TMTC4: variants seen among roughly 807,000 people sequenced by gnomAD.
TMTC4 encodes the protein protein O-mannosyl-transferase TMTC4.
Under a neutral mutation model 86.0 loss-of-function variants are expected in TMTC4, and 65 were observed. The observed-to-expected ratio is 0.76, with a 90% confidence interval of 0.62 to 0.93. The LOEUF (loss-of-function observed/expected upper bound fraction) is 0.93. Among genes scored for constraint, TMTC4 ranks in the 40% least tolerant of loss-of-function variants. The pLI, the probability that TMTC4 is intolerant of heterozygous loss-of-function variation, is 0.00. For missense variants in TMTC4, 866 were observed against 948.1 expected (o/e 0.91, Z 1.14); for synonymous variants, 379 against 382.5 (o/e 0.99, Z 0.11).
At chr13:100,674,254 G>C (rs1199206599) in intron 1 of TMTC4, 27 of 979,464 alleles carry the variant, frequency 2.8e-5, no homozygotes, top group Non-Finnish European at 3.1e-5. Context: ...GCGCGGCGGG[G>C]GAGCCGCCGC....
At chr13:100,625,407 T>A in intron 15 of TMTC4, 128 bp downstream of exon 15, 1 of 1,255,714 alleles carries the variant, frequency 8.0e-7, no homozygotes, top group Non-Finnish European at 1.1e-6. Context: ...TACCTTCAAA[T>A]GAGATAGAAA....
At chr13:100,654,421 T>C (rs375294376) in intron 6 of TMTC4, among the ~76,000 whole-genome samples, 6 of 152,354 alleles carry the variant, frequency 3.9e-5, no homozygotes, top group African/African-American at 1.2e-4. Context: ...AAATATACTT[T>C]GCCTATTTCT....
intron 6 of TMTC4, among the ~76,000 whole-genome samples, chr13:100,653,010 T>C (rs1034140194): frequency 3.3e-5 from 5 of 152,216 alleles, no homozygotes; most frequent in African/African-American, 1.2e-4. Context: ...CAGAAACCCA[T>C]GGCTTTTCAT....
intron 3 of TMTC4, among the ~76,000 whole-genome samples, chr13:100,666,583 T>C (rs916284890): frequency 2.0e-5 from 3 of 152,240 alleles, no homozygotes; most frequent in African/African-American, 7.2e-5. Context: ...ATTAACACTT[T>C]ATATGTCTTC....
intron 9 of TMTC4, 35 bp from the exon 10 acceptor site, chr13:100,636,769 T>C (rs756061328): frequency 8.1e-6 from 13 of 1,609,054 alleles, no homozygotes; most frequent in Middle Eastern, 1.7e-4. Flanking sequence ...ATCTATTTGA[T>C]ACTGAACTTA....
intron 15 of TMTC4, among the ~76,000 whole-genome samples, chr13:100,619,584 AATAG>A (rs1282891693): frequency 4.6e-5 from 7 of 152,360 alleles, no homozygotes; most frequent in East Asian, 1.9e-4. Flanking sequence ...CTACACAGCA[AATAG>A]ATAGCATATT....
At chr13:100,654,727 T>C (rs1039958242) in intron 6 of TMTC4, among the ~76,000 whole-genome samples, 16 of 152,314 alleles carry the variant, frequency 1.1e-4, no homozygotes, top group African/African-American at 3.8e-4. Context: ...TACATGTATC[T>C]GTTCACTCGA....
chr13:100,625,296 T>G, intron 15 of TMTC4: 2 of 541,960 alleles, frequency 3.7e-6, no homozygotes, highest in Non-Finnish European at 3.2e-6. Context: ...TATTCCTGGG[T>G]TTAACCTTTT....
chr13:100,656,542 CT>C (rs35563246), intron 5 of TMTC4, 74 bp from the exon 6 acceptor site: 28,250 of 380,328 alleles, frequency 0.074, 1 homozygote, highest in Middle Eastern at 0.087. Context: ...GGAGACATAA[CT>C]TTTTTTTTTT....
rs146829580 is a variant in TMTC4, at chr13:100,616,528, C to A, written c.1837-2098G>T. Among the ~76,000 whole-genome samples the A allele has an allele frequency of 5.9e-5, 9 of 152,280 alleles. No homozygotes were observed. In the East Asian group the frequency reaches 1.7e-3, roughly 29 times the overall value. ...ATGTGTCTTTTTGGTGGAATGATTTCTTTTGGGTATATAACCAGTCATGAG... is the reference window on the plus strand; with the variant it reads ...ATGTGTCTTTTTGGTGGAATGATTTATTTTGGGTATATAACCAGTCATGAG... On this transcript the variant is annotated intron_variant, in intron 15 of 18. Coordinates refer to ENST00000342624, the MANE Select transcript of TMTC4 (RefSeq NM_032813.5).
Position 100,663,171 on chromosome 13 carries a change from G to A in TMTC4, c.345C>T (p.Tyr115=), listed in dbSNP as rs1158433407. 3 of 1,614,206 alleles carry A rather than the reference G, an allele frequency of 1.9e-6. No homozygotes were observed. The highest frequency in any genetic ancestry group is 1.7e-5 in the Admixed American group (1 of 60,024). ...PLTVLTFRIN[Y]YLSGGFHPVG... Reference sequence around the variant, plus strand: ...CGGGGTGGAAGCCTCCCGAGAGGTAGTAGTTAATCCTGCAGAAACACAGGG... The same window carrying A: ...CGGGGTGGAAGCCTCCCGAGAGGTAATAGTTAATCCTGCAGAAACACAGGG... Residue 115 remains tyrosine (Y), a synonymous_variant, in exon 5 of 19, where the codon TAC becomes TAT. Transcript: ENST00000342624.
chr13:100,661,537 A>G (rs1031536141), intron 5 of TMTC4, among the ~76,000 whole-genome samples: 1 of 152,214 alleles, frequency 6.6e-6, no homozygotes, highest in East Asian at 1.9e-4. Context: ...TGGCTGCACT[A>G]TATCTGGGTC....
intron 15 of TMTC4, among the ~76,000 whole-genome samples, chr13:100,621,385 C>G (rs1447540179): frequency 6.6e-6 from 1 of 152,032 alleles, no homozygotes; most frequent in Non-Finnish European, 1.5e-5. Context: ...GAAGAGCAAT[C>G]CCCAGAAAAG....
chr13:100,674,335 C>A (rs1429116024), intron 1 of TMTC4: 1 of 978,682 alleles, frequency 1.0e-6, no homozygotes, highest in African/African-American at 1.8e-5. Context: ...CAGCTGGCGG[C>A]CAGGCGCGGG....
intron 4 of TMTC4, among the ~76,000 whole-genome samples, chr13:100,663,462 T>C (rs1431124344): frequency 6.6e-6 from 1 of 152,148 alleles, no homozygotes; most frequent in Non-Finnish European, 1.5e-5. Flanking sequence ...AAAGGAAAGC[T>C]AGACGATGTT....
Position 100,642,270 on chromosome 13 carries a change from G to A in TMTC4, c.682C>T (p.Leu228=), listed in dbSNP as rs760949963. The change falls in exon 7 of 19, where the codon CTG becomes TTG. Residue 228 remains leucine (L), a synonymous_variant. Coordinates refer to ENST00000342624, the MANE Select transcript of TMTC4 (RefSeq NM_032813.5). ...GAHSSTFWVL[L]SIFLGAVAML... Reference sequence around the variant, plus strand: ...GCCACTGCTCCCAGAAAGATACTCAGCAGCACCCAGAAGGTGGAAGAATGC... The same window carrying A: ...GCCACTGCTCCCAGAAAGATACTCAACAGCACCCAGAAGGTGGAAGAATGC... 3.1e-6 allele frequency: 5 copies of A among 1,614,214 alleles called. No homozygotes were observed. The highest frequency in any genetic ancestry group is 3.4e-6 in the Non-Finnish European group (4 of 1,180,038).
In TMTC4 at chr13:100,637,721, G is replaced by A. The variant is rs1224985812; in HGVS notation, c.835-19C>T. ...CGAGATTCTGCAAGGACATCGCAAA[G>A]CCCCAGAGGTGGCTGATTTTCACAT... On this transcript the variant is annotated intron_variant, in intron 8 of 18. Coordinates refer to ENST00000342624, the MANE Select transcript of TMTC4 (RefSeq NM_032813.5). 1 of 1,605,020 alleles carries A rather than the reference G, an allele frequency of 6.2e-7. No homozygotes were observed.
chr13:100,647,336 C>G (rs1883886335), intron 6 of TMTC4, among the ~76,000 whole-genome samples: 1 of 152,204 alleles, frequency 6.6e-6, no homozygotes, highest in African/African-American at 2.4e-5. Flanking sequence ...GGTGCCATGG[C>G]CGGGCTCCAT....
chr13:100,668,462 G>A (rs545097117), intron 3 of TMTC4, 117 bp downstream of exon 3: 59 of 1,036,662 alleles, frequency 5.7e-5, no homozygotes, highest in East Asian at 3.9e-4. Flanking sequence ...GAGCACCATC[G>A]GGGCCCAGGC....
Sources: gnomAD v4.1 joint callset for allele counts (sites outside exome capture counted in the v4.1 genomes callset) on GRCh38, gnomAD v4.1.1 for gene constraint, MANE v1.5 for transcripts, NCBI Gene and HGNC (gene_info 2026-07-23, HGNC 2026-07-21) for gene names.